Variants in RECQL observed in about 807,000 individuals in gnomAD.
RECQL encodes ATP-dependent DNA helicase Q1.
Under a neutral mutation model 75.8 loss-of-function variants are expected in RECQL, and 73 were observed. That is an observed-to-expected ratio of 0.96 (90% CI 0.80 to 1.17). RECQL has a LOEUF of 1.17. Among genes scored for constraint, RECQL ranks in the 50% most tolerant of loss-of-function variants. The pLI is 0.00. For missense variants in RECQL, 699 were observed against 772.1 expected (o/e 0.91, Z 1.12); for synonymous variants, 248 against 254.4 (o/e 0.97, Z 0.24).
intron 4 of RECQL, among the ~76,000 whole-genome samples, chr12:21,489,414 T>C (rs543288773): frequency 1.3e-5 from 2 of 152,350 alleles, no homozygotes; most frequent in Admixed American, 1.3e-4. Flanking sequence ...ACTAGCGAAC[T>C]TGTTAGAAAT....
rs1018430035 is a variant in RECQL, at chr12:21,468,962, C to T, written c.*1232G>A. ...TTATAGATATATCTTTCCAATACAA[C>T]ACTGACCGCTTAGATAAAAATCTTA... On this transcript the variant is annotated 3_prime_UTR_variant, in exon 15 of 15. Transcript: ENST00000444129. 4.5e-6 allele frequency: 2 copies of T among 447,660 alleles called. No individual in the cohort carries two copies. Among genetic ancestry groups the T allele is most frequent in the Non-Finnish European group, 7.9e-6 (2 of 253,934 alleles). 27.7% of individuals were successfully genotyped at this position (447,660 alleles called of 1,614,324 possible).
chr12:21,473,506 T>TA (rs761479946), intron 12 of RECQL, 45 bp downstream of exon 12: 2 of 1,411,834 alleles, frequency 1.4e-6, no homozygotes, highest in Non-Finnish European at 2.0e-6. Context: ...CACTAGGCAT[T>TA]ATGACTGTAT....
At chr12:21,489,986 C>G (rs1028310911) in intron 4 of RECQL, among the ~76,000 whole-genome samples, 2 of 152,032 alleles carry the variant, frequency 1.3e-5, no homozygotes, top group Non-Finnish European at 2.9e-5. Flanking sequence ...ACCCATGTAA[C>G]AAACCTGCAC....
intron 12 of RECQL, among the ~76,000 whole-genome samples, chr12:21,472,758 A>C (rs1005675424): frequency 6.6e-6 from 1 of 152,142 alleles, no homozygotes; most frequent in East Asian, 1.9e-4. Flanking sequence ...GCTGATCTAC[A>C]TTTAAAAGAA....
At chr12:21,473,407 C>G in intron 12 of RECQL, 144 bp downstream of exon 12, 1 of 651,996 alleles carries the variant, frequency 1.5e-6, no homozygotes, top group Non-Finnish European at 2.7e-6. Flanking sequence ...ACCTAGGAGA[C>G]TATACCATCT....
chr12:21,475,328 T>G (rs1004648392), intron 10 of RECQL, 140 bp downstream of exon 10: 7 of 591,672 alleles, frequency 1.2e-5, no homozygotes, highest in Non-Finnish European at 2.0e-5. Context: ...CATATGCAAG[T>G]AAGTGTCAAA....
chr12:21,491,606 T>C lies in RECQL; in HGVS notation c.127A>G (p.Thr43Ala), dbSNP rs1943415722. The C allele has an allele frequency of 1.9e-6, 3 of 1,614,042 alleles. No individual in the cohort carries two copies. The highest frequency in any genetic ancestry group is 2.5e-6 in the Non-Finnish European group (3 of 1,179,990). ...QELIQKKKVL[T>A]KKIKQCLEDS... ...TCTAAACACTGCTTTATTTTCTTTG[T>C]CAGGACTTTTTTTTTCTGAATAAGC... Residue 43 changes from threonine (T) to alanine (A), a missense_variant, in exon 3 of 15, where the codon ACA becomes GCA. Thr to Ala is a moderately conservative substitution (Grantham distance 58). Around this residue, in one of 2 missense-constraint regions of RECQL, gnomAD observed 669 missense variants for 713.5 expected, o/e 0.94. Transcript: ENST00000444129.
At chr12:21,491,040 T>A (rs1006861195) in intron 3 of RECQL, among the ~76,000 whole-genome samples, 8 of 152,268 alleles carry the variant, frequency 5.3e-5, no homozygotes, top group Admixed American at 3.3e-4. Flanking sequence ...GGTGTAAATA[T>A]CTTGTTCAGA....
chr12:21,470,973 A>G lies in RECQL; in HGVS notation c.1793T>C (p.Phe598Ser), dbSNP rs760839761. ...TGAAAATTAATAGCCATTTACCCTG[A>G]AAGAGTTCTGCGTGGACTTTGTCAC... is the stretch of plus-strand genomic sequence containing the variant. ...MQVTKSTQNS[F>S]RAESSQTCHS... is the part of the protein sequence containing the mutation. The change falls in exon 14 of 15, where the codon TTC (phenylalanine) becomes TCC (serine). Residue 598 changes from phenylalanine to serine, a missense_variant. Phe to Ser is a radical substitution (Grantham distance 155, BLOSUM62 -2). Transcript: ENST00000444129. The G allele has an allele frequency of 2.6e-6, 4 of 1,536,322 alleles. No individual in the cohort carries two copies. The highest frequency in any genetic ancestry group is 1.7e-6 in the Non-Finnish European group (2 of 1,148,810).
At chr12:21,473,790 T>C in intron 11 of RECQL, 148 bp from the exon 12 acceptor site, 1 of 640,206 alleles carries the variant, frequency 1.6e-6, no homozygotes, top group South Asian at 2.0e-5. Flanking sequence ...ACACATTTAT[T>C]CTTACATTTC....
At position 21,474,953 on chromosome 12, in the gene RECQL, TAC is replaced by T. The variant is rs1943053638; in HGVS notation, c.1241_1242del (p.Cys414TyrfsTer28). On this transcript the variant is annotated frameshift_variant, in exon 11 of 15. Transcript: ENST00000444129. LOFTEE classifies it high-confidence loss of function. ...ATATCTCCAAAGCCGTAGTACAAAA[TAC>T]AGTCTGCTTTCATGTCATCTCGACC... is the stretch of plus-strand genomic sequence containing the variant. The part of the protein sequence containing the change: ...RAGRDDMKAD[C>X]ILYYGFGDIF... The T allele has an allele frequency of 1.2e-6, 2 of 1,612,818 alleles. No homozygotes were observed. The highest frequency in any genetic ancestry group is 1.1e-5 in the South Asian group (1 of 91,030).
At chr12:21,482,575 A>G (rs1176803120) in intron 6 of RECQL, among the ~76,000 whole-genome samples, 4 of 152,220 alleles carry the variant, frequency 2.6e-5, no homozygotes, top group African/African-American at 9.6e-5. Context: ...CATCTCAGGC[A>G]CAACGCCTGA....
rs752788131 is a variant in RECQL at position 21,483,352 on chromosome 12, GTT to G, written c.700+22_700+23del. ...AGGACACGGTCTATGACATCAAAAA[GTT>G]TTCTAGATAAAACATACATACCAGG... On this transcript the variant is annotated intron_variant, in intron 6 of 14. Coordinates refer to ENST00000444129, the MANE Select transcript of RECQL (RefSeq NM_002907.4). 8 of 1,560,342 alleles carry G rather than the reference GTT, an allele frequency of 5.1e-6. No homozygotes were observed. The East Asian group carries it at 1.8e-4, about 35-fold the overall frequency.
chr12:21,479,894 A>G (rs1189203677), intron 6 of RECQL, among the ~76,000 whole-genome samples: 1 of 152,212 alleles, frequency 6.6e-6, no homozygotes, highest in East Asian at 1.9e-4. Context: ...GTGGCAGGGA[A>G]GAGGGAGACA....
chr12:21,481,530 C>G (rs2137365710), intron 6 of RECQL, among the ~76,000 whole-genome samples: 1 of 152,046 alleles, frequency 6.6e-6, no homozygotes. Context: ...TCAGTGGCCA[C>G]CAGGTAACAA....
chr12:21,473,520 C>A (rs2137327587), intron 12 of RECQL, 31 bp downstream of exon 12: 1 of 1,519,368 alleles, frequency 6.6e-7, no homozygotes, highest in Non-Finnish European at 9.1e-7. Flanking sequence ...ACTGTATTAG[C>A]CTATAAAGGT....
At chr12:21,499,490 T>C in intron 2 of RECQL, 65 bp downstream of exon 2, 1 of 1,408,800 alleles carries the variant, frequency 7.1e-7, no homozygotes, top group Non-Finnish European at 9.7e-7. Flanking sequence ...AAACAAACTT[T>C]TTCAAATATC....
chr12:21,474,432 T>C (rs1943042694), intron 11 of RECQL, among the ~76,000 whole-genome samples: 1 of 152,056 alleles, frequency 6.6e-6, no homozygotes, highest in African/African-American at 2.4e-5. Context: ...TAAACTTACT[T>C]CTTAAGGAGA....
intron 12 of RECQL, among the ~76,000 whole-genome samples, chr12:21,472,394 T>G (rs1315832830): frequency 6.6e-6 from 1 of 151,542 alleles, no homozygotes; most frequent in Admixed American, 6.6e-5. Context: ...AGCAATAGAG[T>G]ATAGGAAAAT....
Sources: allele counts gnomAD v4.1 joint callset (sites outside exome capture counted in the v4.1 genomes callset), GRCh38; gene constraint gnomAD v4.1.1; regional missense constraint gnomAD v4.1.1; transcripts MANE v1.5; gene names NCBI Gene and HGNC (gene_info 2026-07-23, HGNC 2026-07-21).